The following USB1 variants were observed in gnomAD, a reference collection of about 807,000 sequenced individuals.
USB1 encodes the protein U6 snRNA phosphodiesterase 1.
A neutral mutation model predicts 29.9 loss-of-function variants in USB1; 21 were observed. That is an observed-to-expected ratio of 0.70 (90% CI 0.50 to 1.01). USB1 has a LOEUF of 1.01. Ranked by LOEUF, USB1 falls within the 50% of genes least tolerant of loss-of-function variation. The pLI, the probability that USB1 is intolerant of heterozygous loss-of-function variation, is 0.00. For missense variants in USB1, 330 were observed against 347.1 expected (o/e 0.95, Z 0.39); for synonymous variants, 143 against 134.9 (o/e 1.06, Z -0.42).
rs751096518 is a variant in USB1, at chr16:58,013,121, T to C, written c.450-1152T>C. The C allele has an allele frequency of 2.0e-6, 2 of 985,508 alleles. No homozygotes were observed. The highest frequency in any genetic ancestry group is 2.4e-6 in the Non-Finnish European group (2 of 830,024). The allele number at this position is 985,508 out of a possible 1,614,324, so 61.0% of individuals were successfully genotyped here. A position where few individuals can be genotyped will look rare whatever the true frequency, so the allele number is the denominator to read the frequency against. On this transcript the variant is annotated intron_variant, in intron 3 of 6. Transcript: ENST00000219281. This position sits in a 1 kb window ranked among gnomAD's most constrained non-coding sequence, Gnocchi z 4.3. ...AGTGGGCGGTGCACCCCTGATTCTG[T>C]TGCTGTGACTGAGGAAATGCTAAGC...
At position 58,021,393 on chromosome 16, in the gene USB1, T is replaced by C. The variant is rs1442389090; in HGVS notation, c.*1148T>C. On this transcript the variant is annotated 3_prime_UTR_variant, in exon 7 of 7. Coordinates refer to ENST00000219281, the MANE Select transcript of USB1 (RefSeq NM_024598.4). ...GCAGAGGGGCCTTCCACAGCCCGGGTTCTCCTGCTGCCTCCTGCCTGCTGC... is the reference window on the plus strand; with the variant it reads ...GCAGAGGGGCCTTCCACAGCCCGGGCTCTCCTGCTGCCTCCTGCCTGCTGC... 6.6e-6 allele frequency: 1 copy of C among 152,226 alleles called. No homozygotes were observed. Among genetic ancestry groups the C allele is most frequent in the Non-Finnish European group, 1.5e-5 (1 of 68,046 alleles). 9.4% of individuals were successfully genotyped at this position (152,226 alleles called of 1,614,324 possible).
Position 58,018,961 on chromosome 16 carries a change from T to C in USB1, c.610-11T>C. On this transcript the variant is annotated splice_polypyrimidine_tract_variant and intron_variant, in intron 5 of 6. Coordinates refer to ENST00000219281, the MANE Select transcript of USB1 (RefSeq NM_024598.4). The stretch of plus-strand genomic sequence containing the variant: ...TCCGGGTGACTGCCTGCCTCTCGTT[T>C]CCCTCCCCAGGATCCTTCTTTCCAC... 2.5e-6 allele frequency: 4 copies of C among 1,614,042 alleles called. No homozygotes were observed. Among genetic ancestry groups the C allele is most frequent in the Non-Finnish European group, 3.4e-6 (4 of 1,179,982 alleles).
chr16:58,010,152 C>G, intron 3 of USB1, 40 bp downstream of exon 3: 1 of 1,612,250 alleles, frequency 6.2e-7, no homozygotes, highest in Non-Finnish European at 8.5e-7. Context: ...TCCCTCCCCT[C>G]CATGGCTTCT....
chr16:58,002,407 T>A, intron 1 of USB1, 72 bp from the exon 2 acceptor site: 1 of 1,601,672 alleles, frequency 6.2e-7, no homozygotes. Flanking sequence ...GGGTTACAAC[T>A]TTTGTGGTAT....
Position 58,018,959 on chromosome 16 carries a change from T to C in USB1, c.610-13T>C. 3 of 1,614,034 alleles carry C rather than the reference T, an allele frequency of 1.9e-6. No homozygotes were observed. Among genetic ancestry groups the C allele is most frequent in the South Asian group, 1.1e-5 (1 of 91,062 alleles). On this transcript the variant is annotated splice_polypyrimidine_tract_variant and intron_variant, in intron 5 of 6. Coordinates refer to ENST00000219281, the MANE Select transcript of USB1 (RefSeq NM_024598.4). ...CGTCCGGGTGACTGCCTGCCTCTCG[T>C]TTCCCTCCCCAGGATCCTTCTTTCC...
intron 2 of USB1, among the ~76,000 whole-genome samples, chr16:58,006,422 G>A (rs1235413565): frequency 6.6e-6 from 1 of 150,760 alleles, no homozygotes; most frequent in Non-Finnish European, 1.5e-5. Flanking sequence ...CACTTTGGGA[G>A]GCCAAGGCGG....
At chr16:58,008,024 G>A (rs1042951688) in intron 2 of USB1, among the ~76,000 whole-genome samples, 3 of 152,078 alleles carry the variant, frequency 2.0e-5, no homozygotes, top group African/African-American at 4.8e-5. Context: ...AATAGATTTA[G>A]GCCTATTTAG....
At chr16:58,000,662 C>G (rs1442244867), upstream of USB1, among the ~76,000 whole-genome samples, 6 of 143,988 alleles carry the variant, frequency 4.2e-5, no homozygotes, top group Admixed American at 2.7e-4. The surrounding 1 kb of genome is among the most constrained non-coding windows in gnomAD (Gnocchi z 4.5). Flanking sequence ...GATGGCCTTG[C>G]GGAGACGGGC....
chr16:58,017,590 C>T (rs1963646830), intron 5 of USB1, 151 bp downstream of exon 5: 2 of 753,918 alleles, frequency 2.7e-6, no homozygotes, highest in East Asian at 2.7e-5. Context: ...ATGCACACCT[C>T]GGGGGGTGAG....
At chr16:58,011,102 T>G in intron 3 of USB1, 1 of 1,080,420 alleles carries the variant, frequency 9.3e-7, no homozygotes. Context: ...GAGCTCTGCG[T>G]CAGGAGCCAG....
At chr16:58,010,851 A>C in intron 3 of USB1, 4 of 610,812 alleles carry the variant, frequency 6.5e-6, no homozygotes, top group Admixed American at 2.7e-5. Flanking sequence ...CTTAATCACC[A>C]AGGGAAGCTC....
chr16:58,007,712 G>T (rs1353187705), intron 2 of USB1, among the ~76,000 whole-genome samples: 2 of 152,086 alleles, frequency 1.3e-5, no homozygotes, highest in East Asian at 3.9e-4. Flanking sequence ...TTCAGGCTGG[G>T]TGCAGTGGCT....
At position 58,020,369 on chromosome 16, in the gene USB1, C is replaced by G; in HGVS notation, c.*124C>G. 1 of 867,244 alleles carries G rather than the reference C, an allele frequency of 1.2e-6. No individual in the cohort carries two copies. Among genetic ancestry groups the G allele is most frequent in the East Asian group, 2.6e-5 (1 of 38,038 alleles). The allele number at this position is 867,244 out of a possible 1,614,324, so 53.7% of individuals were successfully genotyped here. ...GGCCCCAGCCATGCCTTCAACCTGG[C>G]AGGAGGTGTAGCCACTCCTCATCCT... On this transcript the variant is annotated 3_prime_UTR_variant, in exon 7 of 7. Coordinates refer to ENST00000219281, the MANE Select transcript of USB1 (RefSeq NM_024598.4).
intron 5 of USB1, among the ~76,000 whole-genome samples, 197 bp from the exon 6 acceptor site, chr16:58,018,775 T>C (rs529846581): frequency 6.6e-6 from 1 of 152,240 alleles, no homozygotes; most frequent in South Asian, 2.1e-4. Context: ...CACGATTCAG[T>C]CCATAGCAAG....
At position 58,021,493 on chromosome 16, in the gene USB1, T is replaced by A. The variant is rs1963738368; in HGVS notation, c.*1248T>A. On this transcript the variant is annotated 3_prime_UTR_variant, in exon 7 of 7. Coordinates refer to ENST00000219281, the MANE Select transcript of USB1 (RefSeq NM_024598.4). Reference sequence around the variant, plus strand: ...GGGATTTTAATTGTTTCATCACACCTTCCCCGTGGCAAAGAAACAGTCAGT... The same window carrying A: ...GGGATTTTAATTGTTTCATCACACCATCCCCGTGGCAAAGAAACAGTCAGT... 1 of 152,274 alleles carries A rather than the reference T, an allele frequency of 6.6e-6. No homozygotes were observed. The highest frequency in any genetic ancestry group is 2.4e-5 in the African/African-American group (1 of 41,478). The allele number at this position is 152,274 out of a possible 1,614,324, so 9.4% of individuals were successfully genotyped here. A position where few individuals can be genotyped will look rare whatever the true frequency, so the allele number is the denominator to read the frequency against.
Position 58,014,342 on chromosome 16 carries a change from C to A in USB1, c.503+16C>A, listed in dbSNP as rs750236643. On this transcript the variant is annotated intron_variant, in intron 4 of 6. Coordinates refer to ENST00000219281, the MANE Select transcript of USB1 (RefSeq NM_024598.4). ...AGAAAACCAGGTGGGTCCTCCCAAC[C>A]CCCAATCACCATCAGAGGAAGATTC... 1 of 1,605,604 alleles carries A rather than the reference C, an allele frequency of 6.2e-7. No individual in the cohort carries two copies.
intron 2 of USB1, among the ~76,000 whole-genome samples, chr16:58,004,946 C>T (rs1257774642): frequency 6.6e-6 from 1 of 152,158 alleles, no homozygotes; most frequent in Non-Finnish European, 1.5e-5. Context: ...GACAAAGGGT[C>T]AGGGTAAGGA....
Position 58,019,139 on chromosome 16 carries a change from C to T in USB1, c.693+84C>T. The T allele has an allele frequency of 2.2e-6, 3 of 1,379,080 alleles. No homozygotes were observed. In the South Asian group the frequency reaches 3.6e-5, roughly 17 times the overall value. The allele number at this position is 1,379,080 out of a possible 1,614,324, so 85.4% of individuals were successfully genotyped here. ...GCTGGAGAGGGGGAGGATGAGGCAC[C>T]CAAACCTGAATCCCTGGGAAACAAA... On this transcript the variant is annotated intron_variant, in intron 6 of 6. Coordinates refer to ENST00000219281, the MANE Select transcript of USB1 (RefSeq NM_024598.4).
intron 2 of USB1, among the ~76,000 whole-genome samples, chr16:58,008,553 A>C (rs942894654): frequency 2.0e-5 from 3 of 150,222 alleles, no homozygotes; most frequent in African/African-American, 7.4e-5. Flanking sequence ...TCCCAGGTTC[A>C]AGTGGTTCTC....
Sources: gnomAD v4.1 joint callset for allele counts (sites outside exome capture counted in the v4.1 genomes callset) on GRCh38, gnomAD v4.1.1 for gene constraint, Gnocchi (gnomAD v3.1) non-coding constraint, MANE v1.5 for transcripts, NCBI Gene and HGNC (gene_info 2026-07-23, HGNC 2026-07-21) for gene names.